The following NTN1 variants were observed in gnomAD, a reference collection of about 807,000 sequenced individuals.
The protein encoded by NTN1 is netrin-1.
In NTN1, 11 loss-of-function variants were observed where a neutral mutation model predicts 54.2. The observed-to-expected ratio is 0.20, with a 90% confidence interval of 0.13 to 0.34. The LOEUF is 0.34. NTN1 is among the 10% of genes least tolerant of loss of function. The pLI, the probability that NTN1 is intolerant of heterozygous loss-of-function variation, is 1.00. For synonymous variants in NTN1, 371 were observed against 382.0 expected (o/e 0.97, Z 0.33); for missense variants, 740 against 893.1 (o/e 0.83, Z 2.18).
intron 2 of NTN1, among the ~76,000 whole-genome samples, chr17:9,123,334 G>C (rs188660872): frequency 2.0e-5 from 3 of 152,262 alleles, no homozygotes; most frequent in Admixed American, 2.0e-4. Context: ...ATCACCTATG[G>C]GGGCGTTAAT....
At chr17:9,033,035 C>T (rs2091892656) in intron 2 of NTN1, among the ~76,000 whole-genome samples, 2 of 149,858 alleles carry the variant, frequency 1.3e-5, no homozygotes, top group South Asian at 4.2e-4. Flanking sequence ...CTCACTGCAA[C>T]CTCTGTTTCC....
intron 5 of NTN1, among the ~76,000 whole-genome samples, chr17:9,188,885 C>A (rs147749702): frequency 9.5e-4 from 145 of 152,206 alleles, no homozygotes; most frequent in Non-Finnish European, 1.3e-3. Context: ...ACAGCCCAGG[C>A]CACTGGTAAA....
At chr17:9,114,166 A>AAAAAAAATAT (rs1555569108) in intron 2 of NTN1, among the ~76,000 whole-genome samples, 1 of 74,658 alleles carries the variant, frequency 1.3e-5, no homozygotes, top group African/African-American at 5.8e-5. Context: ...AAAAAAAAAA[A>AAAAAAAATAT]ATATATATAT....
At chr17:9,113,139 T>C (rs2092198361) in intron 2 of NTN1, among the ~76,000 whole-genome samples, 1 of 151,238 alleles carries the variant, frequency 6.6e-6, no homozygotes. Context: ...TTCTCCTGCC[T>C]CAGCCTCCCG....
chr17:9,075,076 GTAACA>G (rs975997675), intron 2 of NTN1, among the ~76,000 whole-genome samples: 7 of 152,240 alleles, frequency 4.6e-5, no homozygotes, highest in African/African-American at 1.7e-4. Flanking sequence ...GGCACAGTGA[GTAACA>G]GCAGGGTCTC....
rs1906317051 is a variant in NTN1 at position 9,243,866 on chromosome 17, T to C, written c.*3898T>C. On this transcript the variant is annotated 3_prime_UTR_variant, in exon 7 of 7. Coordinates refer to ENST00000173229, the MANE Select transcript of NTN1 (RefSeq NM_004822.3). ...TTAATGACATGGAAAAAGTTGTGGA[T>C]TTTCTTTCTTTCCTTTTTTTTGGGG... 7.1e-6 allele frequency: 1 copy of C among 141,768 alleles called. No homozygotes were observed. The highest frequency in any genetic ancestry group is 2.5e-4 in the South Asian group (1 of 3,970). 8.8% of individuals were successfully genotyped at this position (141,768 alleles called of 1,614,324 possible).
intron 2 of NTN1, among the ~76,000 whole-genome samples, chr17:9,036,213 GTA>G (rs35154567): frequency 0.32 from 48,833 of 151,506 alleles, 7,938 homozygotes; most frequent in African/African-American, 0.37. Flanking sequence ...GAAAGTGGTT[GTA>G]CAAATTTATA....
chr17:9,208,247 A>G (rs1226499183), intron 5 of NTN1, among the ~76,000 whole-genome samples: 1 of 152,172 alleles, frequency 6.6e-6, no homozygotes. Context: ...AAATAAATAA[A>G]TAAAGCCTAA....
chr17:9,044,005 C>A (rs976196550), intron 2 of NTN1, among the ~76,000 whole-genome samples: 3 of 152,058 alleles, frequency 2.0e-5, no homozygotes, highest in Admixed American at 1.3e-4. Context: ...TCCTGTTGAG[C>A]ATTAAAACTA....
intron 6 of NTN1, among the ~76,000 whole-genome samples, chr17:9,235,390 C>T (rs958568920): frequency 4.6e-5 from 7 of 152,194 alleles, no homozygotes; most frequent in Non-Finnish European, 1.0e-4. Flanking sequence ...CAGCAGAGCC[C>T]CCCTGTTCCA....
intron 6 of NTN1, among the ~76,000 whole-genome samples, chr17:9,231,747 T>C (rs1905823660): frequency 6.7e-6 from 1 of 148,394 alleles, no homozygotes; most frequent in South Asian, 2.2e-4. Flanking sequence ...GCAGGCCTGG[T>C]GGGCCTCTGG....
intron 2 of NTN1, among the ~76,000 whole-genome samples, chr17:9,073,202 G>A (rs938045183): frequency 6.6e-6 from 1 of 152,192 alleles, no homozygotes; most frequent in Non-Finnish European, 1.5e-5. Flanking sequence ...GGGAGGAGTC[G>A]CGTATCCCAC....
intron 5 of NTN1, among the ~76,000 whole-genome samples, chr17:9,201,180 C>T (rs948219230): frequency 7.2e-5 from 11 of 152,288 alleles, no homozygotes; most frequent in East Asian, 3.9e-4. Flanking sequence ...TTCTCTGGCT[C>T]GAATGCAGAT....
chr17:9,075,723 A>G (rs1185692368), intron 2 of NTN1, among the ~76,000 whole-genome samples: 2 of 151,956 alleles, frequency 1.3e-5, no homozygotes, highest in Non-Finnish European at 2.9e-5. Flanking sequence ...CAGACTAGGG[A>G]TGTGTGTGTG....
rs577242836 is a variant in NTN1 at position 9,127,065 on chromosome 17, T to A, written c.1019-35748T>A. On this transcript the variant is annotated intron_variant, in intron 2 of 6. Coordinates refer to ENST00000173229, the MANE Select transcript of NTN1 (RefSeq NM_004822.3). The stretch of plus-strand genomic sequence containing the variant: ...GCAGTGGGCAGGAGTGAGATTGTGG[T>A]AGGGCCGGGGGGGGGCAGGACAGGG... 2.6e-4 allele frequency among the ~76,000 whole-genome samples: 7 copies of A among 26,720 alleles called. No homozygotes were observed. The East Asian group carries it at 0.014, about 55-fold the overall frequency. The allele number at this position is 26,720 out of a possible 152,430, so 17.5% of individuals were successfully genotyped here.
intron 2 of NTN1, among the ~76,000 whole-genome samples, chr17:9,156,351 G>A (rs945141528): frequency 6.6e-6 from 1 of 152,092 alleles, no homozygotes; most frequent in Non-Finnish European, 1.5e-5. Flanking sequence ...GTGCTGGAGG[G>A]CTGCTGTGGG....
chr17:9,231,099 C>T (rs965868895), intron 6 of NTN1, among the ~76,000 whole-genome samples: 8 of 152,156 alleles, frequency 5.3e-5, no homozygotes, highest in Admixed American at 2.6e-4. Context: ...TCTCCCGACG[C>T]AGAGCGCGGG....
intron 2 of NTN1, among the ~76,000 whole-genome samples, chr17:9,157,931 C>T (rs188475659): frequency 3.0e-4 from 45 of 152,210 alleles, no homozygotes; most frequent in African/African-American, 9.2e-4. Context: ...CAGGAAGGCG[C>T]AAAGGATTAA....
chr17:9,100,423 G>T (rs948852071), intron 2 of NTN1, among the ~76,000 whole-genome samples: 2 of 151,952 alleles, frequency 1.3e-5, no homozygotes. Flanking sequence ...TCAGCCTTCC[G>T]AGTAGCTGGG....
Sources: allele counts gnomAD v4.1 joint callset (sites outside exome capture counted in the v4.1 genomes callset), GRCh38; gene constraint gnomAD v4.1.1; transcripts MANE v1.5; gene names NCBI Gene and HGNC (gene_info 2026-07-23, HGNC 2026-07-21).